Variants in AFF3 observed in about 807,000 individuals in gnomAD.
AFF3 encodes the protein ALF transcription elongation factor 3.
AFF3 carries 32 observed loss-of-function variants against 129.7 expected under a neutral mutation model. That is an observed-to-expected ratio of 0.25 (90% CI 0.19 to 0.33). AFF3 has a LOEUF of 0.33. Ranked by LOEUF, AFF3 falls within the 10% of genes least tolerant of loss-of-function variation. The pLI, the probability that AFF3 is intolerant of heterozygous loss-of-function variation, is 1.00. For missense variants in AFF3, 1,373 were observed against 1,592.0 expected (o/e 0.86, Z 2.34); for synonymous variants, 644 against 635.4 (o/e 1.01, Z -0.20).
rs978316438 is a variant in AFF3, at chr2:99,734,620, TGAAA to T, written c.1040-7496_1040-7493del. ...TATCAAATGCTTTTTCTTAATTTAT[TGAAA>T]CAATCCTATTTTTCTTTTAATATTT... On this transcript the variant is annotated intron_variant, in intron 10 of 24. Transcript: ENST00000672756. 3.3e-5 allele frequency among the ~76,000 whole-genome samples: 5 copies of T among 152,126 alleles called. No homozygotes were observed. The South Asian group carries it at 8.3e-4, about 25-fold the overall frequency.
intron 8 of AFF3, among the ~76,000 whole-genome samples, chr2:99,759,526 T>C (rs1682406827): frequency 6.6e-6 from 1 of 152,228 alleles, no homozygotes. Flanking sequence ...ACATCCACAT[T>C]TCAATGCAAA....
chr2:99,583,609 C>A, intron 16 of AFF3, among the ~76,000 whole-genome samples: 1 of 152,190 alleles, frequency 6.6e-6, no homozygotes, highest in South Asian at 2.1e-4. Context: ...GTCTCGAACT[C>A]CTGGATTCAA....
chr2:99,654,647 G>A (rs1439208124), intron 12 of AFF3, among the ~76,000 whole-genome samples: 1 of 152,142 alleles, frequency 6.6e-6, no homozygotes, highest in African/African-American at 2.4e-5. Flanking sequence ...CTTTTATTCA[G>A]TTCTCAGCAA....
chr2:100,142,074 G>C (rs1024221494), intron 1 of AFF3, among the ~76,000 whole-genome samples: 3 of 152,072 alleles, frequency 2.0e-5, no homozygotes, highest in Non-Finnish European at 4.4e-5. Flanking sequence ...CCATGTCATG[G>C]TTTCTATTTT....
intron 10 of AFF3, among the ~76,000 whole-genome samples, chr2:99,739,531 T>C (rs1454760392): frequency 6.6e-6 from 1 of 152,162 alleles, no homozygotes; most frequent in Non-Finnish European, 1.5e-5. Context: ...AAATCATCCA[T>C]GTTAATATTC....
intron 7 of AFF3, among the ~76,000 whole-genome samples, chr2:99,963,122 A>T (rs899059009): frequency 6.6e-6 from 1 of 152,112 alleles, no homozygotes; most frequent in Admixed American, 6.5e-5. Context: ...CATGGTGGCC[A>T]GAAAAAATGT....
intron 11 of AFF3, among the ~76,000 whole-genome samples, chr2:99,711,293 C>A (rs547647372): frequency 2.0e-5 from 3 of 152,114 alleles, no homozygotes; most frequent in Non-Finnish European, 4.4e-5. Flanking sequence ...ACTGCAAACC[C>A]CTCCAGGAGC....
At chr2:99,771,221 A>C (rs566970383) in intron 8 of AFF3, among the ~76,000 whole-genome samples, 4 of 152,286 alleles carry the variant, frequency 2.6e-5, no homozygotes, top group Non-Finnish European at 5.9e-5. Context: ...GAACACATGG[A>C]CACATGGATG....
chr2:100,062,914 G>A lies in AFF3; in HGVS notation c.53+41488C>T, dbSNP rs149468355. On this transcript the variant is annotated intron_variant, in intron 4 of 24. Transcript: ENST00000672756. ...CATATGAAAGGCTAAAGAAGTAAAAGACATAATCACAAAAATAAATAAGTA... is the reference window on the plus strand; with the variant it reads ...CATATGAAAGGCTAAAGAAGTAAAAAACATAATCACAAAAATAAATAAGTA... Among the ~76,000 whole-genome samples, 298 of 152,210 alleles carry A rather than the reference G, an allele frequency of 2.0e-3. 5 individuals are homozygous for A. Among genetic ancestry groups the A allele is most frequent in the African/African-American group, 6.9e-3 (288 of 41,540 alleles).
chr2:99,727,229 C>T, intron 10 of AFF3, 101 bp from the exon 11 acceptor site: 2 of 1,181,656 alleles, frequency 1.7e-6, no homozygotes, highest in South Asian at 2.9e-5. Flanking sequence ...AACAATCTTT[C>T]AAAATGTGTA....
intron 7 of AFF3, among the ~76,000 whole-genome samples, chr2:99,911,695 A>C (rs941561265): frequency 6.6e-6 from 1 of 152,158 alleles, no homozygotes; most frequent in Non-Finnish European, 1.5e-5. Context: ...CCCTGAAAGA[A>C]GGCTCAGTGG....
intron 18 of AFF3, among the ~76,000 whole-genome samples, chr2:99,576,113 A>C (rs1676963625): frequency 6.6e-6 from 1 of 151,492 alleles, no homozygotes; most frequent in Non-Finnish European, 1.5e-5. Flanking sequence ...AGCTTACTGC[A>C]GCCTCCACCT....
At chr2:99,777,898 T>C (rs1332145795) in intron 8 of AFF3, among the ~76,000 whole-genome samples, 1 of 137,666 alleles carries the variant, frequency 7.3e-6, no homozygotes, top group East Asian at 2.2e-4. Context: ...AGGCTCAGTT[T>C]GCACAGCATT....
intron 10 of AFF3, among the ~76,000 whole-genome samples, chr2:99,731,659 T>TA (rs1166138360): frequency 6.6e-6 from 1 of 152,154 alleles, no homozygotes; most frequent in Admixed American, 6.6e-5. Flanking sequence ...ATAGGTCAAG[T>TA]AAAAAATCAT....
At chr2:99,838,642 T>G (rs1384676293) in intron 7 of AFF3, among the ~76,000 whole-genome samples, 3 of 152,106 alleles carry the variant, frequency 2.0e-5, no homozygotes, top group Non-Finnish European at 4.4e-5. Context: ...ATCTCCTCCC[T>G]CTAAAACATC....
chr2:99,835,793 C>G (rs1023000846), intron 8 of AFF3, among the ~76,000 whole-genome samples: 1 of 152,146 alleles, frequency 6.6e-6, no homozygotes, highest in Non-Finnish European at 1.5e-5. Flanking sequence ...TGCATATGGA[C>G]ACAAATCTGT....
chr2:99,642,775 C>A (rs1684326480), intron 13 of AFF3, among the ~76,000 whole-genome samples: 2 of 152,182 alleles, frequency 1.3e-5, no homozygotes, highest in South Asian at 2.1e-4. Context: ...GGGATCTAGT[C>A]CTGGCTCTGC....
chr2:99,885,696 T>C (rs749140989), intron 7 of AFF3, among the ~76,000 whole-genome samples: 4 of 152,176 alleles, frequency 2.6e-5, no homozygotes, highest in Non-Finnish European at 5.9e-5. Context: ...TTGTGAAAGA[T>C]ACTGAATCCT....
chr2:99,601,643 G>C, intron 13 of AFF3, 22 bp from the exon 14 acceptor site: 5 of 1,579,370 alleles, frequency 3.2e-6, no homozygotes, highest in Middle Eastern at 2.2e-4. Flanking sequence ...CGAGGCCCCC[G>C]GGAAGCAGAG....
Sources: allele counts gnomAD v4.1 joint callset (sites outside exome capture counted in the v4.1 genomes callset), GRCh38; gene constraint gnomAD v4.1.1; transcripts MANE v1.5; gene names NCBI Gene and HGNC (gene_info 2026-07-23, HGNC 2026-07-21).